ADAM18: variants seen among roughly 807,000 people sequenced by gnomAD.
The protein encoded by ADAM18 is disintegrin and metalloproteinase domain-containing protein 18.
In ADAM18, 117 loss-of-function variants were observed where a neutral mutation model predicts 94.4. The ratio of observed to expected loss-of-function variants is 1.24; its 90% CI spans 1.07 to 1.45. The LOEUF (loss-of-function observed/expected upper bound fraction) is 1.45. Ranked by LOEUF, ADAM18 falls within the 40% of genes most tolerant of loss-of-function variation. The pLI, the probability that ADAM18 is intolerant of heterozygous loss-of-function variation, is 0.00. For missense variants in ADAM18, 936 were observed against 880.0 expected (o/e 1.06, Z -0.81); for synonymous variants, 327 against 291.6 (o/e 1.12, Z -1.24).
intron 16 of ADAM18, among the ~76,000 whole-genome samples, chr8:39,686,807 GA>G (rs1821617496): frequency 6.6e-6 from 1 of 152,124 alleles, no homozygotes; most frequent in Non-Finnish European, 1.5e-5. Context: ...TGTGCAATTG[GA>G]AGTTTCTTTG....
intron 7 of ADAM18, among the ~76,000 whole-genome samples, chr8:39,635,728 A>G (rs1395940216): frequency 6.6e-6 from 1 of 152,058 alleles, no homozygotes; most frequent in Admixed American, 6.6e-5. Flanking sequence ...TCTTTCATGT[A>G]CCTTGGCACA....
intron 3 of ADAM18, among the ~76,000 whole-genome samples, chr8:39,607,402 C>A (rs752647228): frequency 6.6e-6 from 1 of 152,192 alleles, no homozygotes. Context: ...CCCTTGTCTG[C>A]CTGCTTCTTT....
At chr8:39,688,837 A>C (rs978984545) in intron 16 of ADAM18, among the ~76,000 whole-genome samples, 1 of 152,220 alleles carries the variant, frequency 6.6e-6, no homozygotes, top group Admixed American at 6.5e-5. Flanking sequence ...AATAGTGTGT[A>C]AGCATTCCTT....
Position 39,668,047 on chromosome 8 carries a change from A to G in ADAM18, c.1376A>G (p.Asp459Gly), listed in dbSNP as rs1821039029. The G allele has an allele frequency of 6.2e-7, 1 of 1,613,996 alleles. No individual in the cohort carries two copies. Among genetic ancestry groups the G allele is most frequent in the Admixed American group, 1.7e-5 (1 of 59,978 alleles). The part of the protein sequence containing the change: ...PCRKSIDPEC[D>G]FTEYCNGTSS... ...AGAAAGAGTATTGATCCAGAGTGTG[A>G]TTTTACAGAGTACTGCAATGGAACC... The change falls in exon 14 of 20, where the codon GAT (aspartate) becomes GGT (glycine). Residue 459 changes from aspartate to glycine, a missense_variant. Asp to Gly is a moderately conservative substitution (Grantham distance 94). Transcript: ENST00000265707.
chr8:39,667,972 A>G lies in ADAM18; in HGVS notation c.1327-26A>G, dbSNP rs1821036538. 4 of 1,597,976 alleles carry G rather than the reference A, an allele frequency of 2.5e-6. No homozygotes were observed. The East Asian group carries it at 8.9e-5, about 36-fold the overall frequency. On this transcript the variant is annotated intron_variant, in intron 13 of 19. Coordinates refer to ENST00000265707, the MANE Select transcript of ADAM18 (RefSeq NM_014237.3). Reference sequence around the variant, plus strand: ...TTGAGAAAAATGATTTACAGAACTTAATTTTATTTTTCCTTTTCCTCCCAG... The same window carrying G: ...TTGAGAAAAATGATTTACAGAACTTGATTTTATTTTTCCTTTTCCTCCCAG...
chr8:39,625,024 G>A (rs1321777252), intron 6 of ADAM18, among the ~76,000 whole-genome samples: 1 of 152,108 alleles, frequency 6.6e-6, no homozygotes, highest in African/African-American at 2.4e-5. Context: ...TGGCTATTCA[G>A]GCTCTTCTTT....
chr8:39,695,212 G>A (rs1439771845), intron 17 of ADAM18, among the ~76,000 whole-genome samples: 2 of 151,546 alleles, frequency 1.3e-5, no homozygotes, highest in Admixed American at 1.3e-4. Context: ...ACAGGTTTTG[G>A]TGTGGACATA....
chr8:39,723,918 T>C lies in ADAM18; in HGVS notation c.2177+11T>C. 7.0e-7 allele frequency: 1 copy of C among 1,434,500 alleles called. No individual in the cohort carries two copies. The allele number at this position is 1,434,500 out of a possible 1,614,324, so 88.9% of individuals were successfully genotyped here. On this transcript the variant is annotated intron_variant, in intron 19 of 19. Coordinates refer to ENST00000265707, the MANE Select transcript of ADAM18 (RefSeq NM_014237.3). ...TGCAGAGTATAATCGGTAAATATGA[T>C]ATAGAATCAATGTATTAGGTTTAAT...
intron 6 of ADAM18, among the ~76,000 whole-genome samples, chr8:39,614,645 A>C (rs1371814024): frequency 6.6e-6 from 1 of 152,168 alleles, no homozygotes; most frequent in Non-Finnish European, 1.5e-5. Context: ...AAGGGGAAAA[A>C]CACCCCACAT....
At chr8:39,595,616 G>A (rs1185074096) in intron 2 of ADAM18, among the ~76,000 whole-genome samples, 1 of 152,138 alleles carries the variant, frequency 6.6e-6, no homozygotes, top group African/African-American at 2.4e-5. Flanking sequence ...TGCCTCAGAG[G>A]TTTCAAGAGA....
At chr8:39,636,242 T>C (rs1460215397) in intron 7 of ADAM18, among the ~76,000 whole-genome samples, 1 of 152,096 alleles carries the variant, frequency 6.6e-6, no homozygotes, top group African/African-American at 2.4e-5. Context: ...CGCCTCAGTC[T>C]CCCAAAGTGT....
chr8:39,609,682 T>C (rs1819207004), intron 5 of ADAM18, 121 bp downstream of exon 5: 1 of 634,702 alleles, frequency 1.6e-6, no homozygotes, highest in East Asian at 2.8e-5. Context: ...GAAAGTTTTC[T>C]TTCTAACAGC....
chr8:39,704,601 T>G (rs896324214), intron 17 of ADAM18, among the ~76,000 whole-genome samples: 10 of 152,150 alleles, frequency 6.6e-5, no homozygotes, highest in Non-Finnish European at 1.5e-4. Flanking sequence ...TTGTTTTGGC[T>G]GGGGGGACCC....
intron 18 of ADAM18, among the ~76,000 whole-genome samples, chr8:39,723,305 G>A (rs1326816548): frequency 6.6e-6 from 1 of 151,510 alleles, no homozygotes; most frequent in African/African-American, 2.4e-5. Context: ...ATAGGTATAA[G>A]TATGAATTTT....
chr8:39,688,530 C>T (rs1246766150), intron 16 of ADAM18, among the ~76,000 whole-genome samples: 1 of 152,152 alleles, frequency 6.6e-6, no homozygotes, highest in Non-Finnish European at 1.5e-5. Context: ...TAATGACCTC[C>T]AGCTCCATCC....
At chr8:39,604,157 G>A (rs1818992683) in intron 2 of ADAM18, among the ~76,000 whole-genome samples, 1 of 152,170 alleles carries the variant, frequency 6.6e-6, no homozygotes, top group South Asian at 2.1e-4. Context: ...ACACTCATTT[G>A]ATGTATCATC....
intron 19 of ADAM18, among the ~76,000 whole-genome samples, chr8:39,725,647 C>T (rs990767721): frequency 6.6e-6 from 1 of 152,170 alleles, no homozygotes; most frequent in Non-Finnish European, 1.5e-5. Context: ...GCATAATGTC[C>T]TCTACATCTA....
intron 14 of ADAM18, among the ~76,000 whole-genome samples, chr8:39,676,353 G>C (rs978390581): frequency 6.6e-6 from 1 of 152,212 alleles, no homozygotes; most frequent in African/African-American, 2.4e-5. Flanking sequence ...CTCAGCAATG[G>C]CTGATACCCC....
intron 15 of ADAM18, among the ~76,000 whole-genome samples, chr8:39,679,078 T>C (rs1821370331): frequency 6.6e-6 from 1 of 152,128 alleles, no homozygotes; most frequent in Admixed American, 6.6e-5. Context: ...AGAAAAGTTA[T>C]GCTGGAGGGA....
Sources: gnomAD v4.1 joint callset for allele counts (sites outside exome capture counted in the v4.1 genomes callset) on GRCh38, gnomAD v4.1.1 for gene constraint, MANE v1.5 for transcripts, NCBI Gene and HGNC (gene_info 2026-07-23, HGNC 2026-07-21) for gene names.